LNX1: variants seen among roughly 807,000 people sequenced by gnomAD.
The protein encoded by LNX1 is E3 ubiquitin-protein ligase LNX.
Under a neutral mutation model 68.4 loss-of-function variants are expected in LNX1, and 54 were observed. The observed-to-expected ratio is 0.79, with a 90% CI of 0.63 to 0.99. The LOEUF (loss-of-function observed/expected upper bound fraction) is 0.99, where lower values mean the gene tolerates loss of function less well. Among genes scored for constraint, LNX1 ranks in the 50% least tolerant of loss-of-function variants. The probability of loss-of-function intolerance (pLI) is 0.00; values close to 1 mark genes in which losing one functional copy is unlikely to be tolerated. For missense variants in LNX1, 906 were observed against 926.4 expected (o/e 0.98, Z 0.29); for synonymous variants, 336 against 350.0 (o/e 0.96, Z 0.45).
intron 1 of LNX1, among the ~76,000 whole-genome samples, chr4:53,636,385 T>C (rs1437308987): frequency 6.6e-6 from 1 of 151,924 alleles, no homozygotes; most frequent in Admixed American, 6.6e-5. Flanking sequence ...TCAGAGAAGA[T>C]CACAGGAGAA....
At chr4:53,563,815 G>C (rs1327737429) in intron 2 of LNX1, among the ~76,000 whole-genome samples, 2 of 152,214 alleles carry the variant, frequency 1.3e-5, no homozygotes, top group Admixed American at 6.5e-5. Flanking sequence ...TTACAGGCAT[G>C]GGCCACTGCA....
At chr4:53,614,714 T>C (rs543159178) in intron 2 of LNX1, among the ~76,000 whole-genome samples, 1 of 152,364 alleles carries the variant, frequency 6.6e-6, no homozygotes, top group South Asian at 2.1e-4. Flanking sequence ...TTGGTCAGCC[T>C]ACGCTGTTTA....
At chr4:53,630,044 G>GA (rs1277337971) in intron 1 of LNX1, among the ~76,000 whole-genome samples, 1 of 151,532 alleles carries the variant, frequency 6.6e-6, no homozygotes, top group Non-Finnish European at 1.5e-5. Context: ...TAATCATGTT[G>GA]AAAACATGAG....
At chr4:53,521,632 T>C (rs1360123899) in intron 2 of LNX1, among the ~76,000 whole-genome samples, 2 of 152,186 alleles carry the variant, frequency 1.3e-5, no homozygotes, top group East Asian at 1.9e-4. Context: ...TCCCAATATA[T>C]TTAAAAGAAA....
intron 2 of LNX1, among the ~76,000 whole-genome samples, chr4:53,544,512 T>C (rs1728970361): frequency 1.3e-5 from 2 of 152,102 alleles, no homozygotes; most frequent in Non-Finnish European, 2.9e-5. Context: ...GCTGATTTCT[T>C]TTGTGATGTT....
intron 9 of LNX1, among the ~76,000 whole-genome samples, chr4:53,471,304 C>T (rs1723159610): frequency 6.6e-6 from 1 of 151,966 alleles, no homozygotes; most frequent in Admixed American, 6.6e-5. Context: ...AGAGCTGAAA[C>T]TGGATCCCTT....
At chr4:53,472,683 AAC>A (rs1458207723) in intron 9 of LNX1, among the ~76,000 whole-genome samples, 3 of 67,784 alleles carry the variant, frequency 4.4e-5, no homozygotes, top group South Asian at 6.5e-4. Flanking sequence ...CAACAACAAC[AAC>A]AAAAAAAAAA....
chr4:53,625,323 G>C (rs998133054), intron 1 of LNX1, among the ~76,000 whole-genome samples: 32 of 152,262 alleles, frequency 2.1e-4, no homozygotes, highest in Middle Eastern at 3.4e-3. Context: ...ATCAATATCA[G>C]ATGAGGGACT....
At position 53,501,299 on chromosome 4, in the gene LNX1, T is replaced by TTGGGG. The variant is rs56165716; in HGVS notation, c.776-2457_776-2456insCCCCA. 5.0e-3 allele frequency among the ~76,000 whole-genome samples: 195 copies of TTGGGG among 38,760 alleles called. 26 individuals are homozygous for TTGGGG. Among genetic ancestry groups the TTGGGG allele is most frequent in the Non-Finnish European group, 8.9e-3 (128 of 14,354 alleles). 25.4% of individuals were successfully genotyped at this position (38,760 alleles called of 152,430 possible). The stretch of plus-strand genomic sequence containing the variant: ...TAATAATCTTTTTTTTTTTTTTTTT[T>TTGGGG]GGGGGTGGGGGGACAGGATCTCACT... On this transcript the variant is annotated intron_variant, in intron 4 of 10. Transcript: ENST00000263925.
intron 1 of LNX1, among the ~76,000 whole-genome samples, chr4:53,581,569 A>G (rs1464936361): frequency 6.6e-6 from 1 of 152,200 alleles, no homozygotes; most frequent in East Asian, 1.9e-4. Flanking sequence ...GCGGAAGGTG[A>G]AGGAGGAGCA....
intron 6 of LNX1, among the ~76,000 whole-genome samples, chr4:53,484,077 T>A (rs1291665573): frequency 6.6e-6 from 1 of 152,160 alleles, no homozygotes; most frequent in Admixed American, 6.5e-5. Flanking sequence ...GATGGTGCCA[T>A]CTGTGAGGAA....
chr4:53,621,413 TTTTA>T (rs1162835200), upstream of LNX1, among the ~76,000 whole-genome samples: 2 of 152,156 alleles, frequency 1.3e-5, no homozygotes, highest in Non-Finnish European at 2.9e-5. Context: ...AGGGAGACTG[TTTTA>T]TTTTTCTCTG....
chr4:53,646,273 C>G (rs565338292), intron 1 of LNX1, among the ~76,000 whole-genome samples: 2 of 152,256 alleles, frequency 1.3e-5, no homozygotes, highest in African/African-American at 4.8e-5. Context: ...GGTAAATGAC[C>G]GGAGTGGAGT....
intron 2 of LNX1, among the ~76,000 whole-genome samples, chr4:53,597,768 G>A (rs1220095129): frequency 1.3e-5 from 2 of 152,132 alleles, no homozygotes; most frequent in African/African-American, 2.4e-5. Flanking sequence ...TTTCAAAGGT[G>A]ATATTTTGGC....
At chr4:53,588,572 G>A (rs1035664865) in intron 1 of LNX1, among the ~76,000 whole-genome samples, 5 of 152,088 alleles carry the variant, frequency 3.3e-5, no homozygotes, top group Non-Finnish European at 7.3e-5. Context: ...TTCTAGTGAG[G>A]CACTACCCAG....
chr4:53,558,561 T>C (rs1333913693), intron 2 of LNX1, among the ~76,000 whole-genome samples: 1 of 152,228 alleles, frequency 6.6e-6, no homozygotes, highest in Non-Finnish European at 1.5e-5. Context: ...TTGACTGCAC[T>C]GACATATGAA....
At chr4:53,466,375 C>T (rs1197982163) in intron 9 of LNX1, among the ~76,000 whole-genome samples, 1 of 152,106 alleles carries the variant, frequency 6.6e-6, no homozygotes, top group Non-Finnish European at 1.5e-5. Flanking sequence ...CTGAAGACAG[C>T]CGAATAGGAA....
At chr4:53,584,542 C>T (rs1000469702) in intron 1 of LNX1, among the ~76,000 whole-genome samples, 34 of 152,260 alleles carry the variant, frequency 2.2e-4, no homozygotes, top group African/African-American at 8.2e-4. Flanking sequence ...ATAGACGGTC[C>T]TTGGGAAGGA....
intron 2 of LNX1, among the ~76,000 whole-genome samples, chr4:53,609,941 C>T (rs1191718011): frequency 6.6e-6 from 1 of 151,232 alleles, no homozygotes; most frequent in Non-Finnish European, 1.5e-5. Context: ...ATGCTCACAA[C>T]CATGTGAGTT....
Sources: allele counts gnomAD v4.1 joint callset (sites outside exome capture counted in the v4.1 genomes callset), GRCh38; gene constraint gnomAD v4.1.1; transcripts MANE v1.5; gene names NCBI Gene and HGNC (gene_info 2026-07-23, HGNC 2026-07-21).